Variants in ECPAS observed in about 807,000 individuals in gnomAD.
ECPAS encodes the protein Ecm29 proteasome adaptor and scaffold.
In ECPAS, 70 loss-of-function variants were observed where a neutral mutation model predicts 255.1. The observed-to-expected ratio is 0.27, with a 90% CI of 0.23 to 0.33. The LOEUF is 0.33. ECPAS is among the 10% of genes least tolerant of loss of function. ECPAS has a pLI of 1.00. For synonymous variants in ECPAS, 784 were observed against 775.0 expected (o/e 1.01, Z -0.19); for missense variants, 1,817 against 2,206.4 (o/e 0.82, Z 3.54).
rs1221711854 is a variant in ECPAS at position 111,378,476 on chromosome 9, G to A, written c.3954+104C>T. 7 of 1,165,178 alleles carry A rather than the reference G, an allele frequency of 6.0e-6. No homozygotes were observed. In the East Asian group the frequency reaches 1.5e-4, roughly 24 times the overall value. The allele number at this position is 1,165,178 out of a possible 1,614,324, so 72.2% of individuals were successfully genotyped here. A position where few individuals can be genotyped will look rare whatever the true frequency, so the allele number is the denominator to read the frequency against. On this transcript the variant is annotated intron_variant, in intron 36 of 49. Transcript: ENST00000684092. ...AACACTGCATGTGGTGACAGAGGGT[G>A]AGTTCTGGTAACAGTAGTGACAGTG...
intron 24 of ECPAS, among the ~76,000 whole-genome samples, chr9:111,401,914 G>A (rs560217338): frequency 3.3e-4 from 51 of 152,248 alleles, no homozygotes; most frequent in East Asian, 2.5e-3. Context: ...CTTTTTCAGC[G>A]TGCACTGATT....
intron 29 of ECPAS, among the ~76,000 whole-genome samples, chr9:111,390,719 G>C (rs2131606967): frequency 6.6e-6 from 1 of 152,300 alleles, no homozygotes; most frequent in East Asian, 1.9e-4. Flanking sequence ...CAATGAAGCA[G>C]GCTCGTGTGT....
intron 2 of ECPAS, among the ~76,000 whole-genome samples, chr9:111,463,336 A>C (rs1320893151): frequency 6.6e-6 from 1 of 152,230 alleles, no homozygotes; most frequent in African/African-American, 2.4e-5. Context: ...TTTTGTGCCC[A>C]AAAGAGAGAA....
At chr9:111,461,480 T>C (rs1435094825) in intron 2 of ECPAS, among the ~76,000 whole-genome samples, 1 of 151,498 alleles carries the variant, frequency 6.6e-6, no homozygotes, top group African/African-American at 2.4e-5. Context: ...AATAAACACA[T>C]AAAATAAAAA....
intron 5 of ECPAS, among the ~76,000 whole-genome samples, chr9:111,441,578 C>T (rs2098246082): frequency 6.6e-6 from 1 of 152,090 alleles, no homozygotes; most frequent in African/African-American, 2.4e-5. Flanking sequence ...ATTTTGAATA[C>T]AACATTAAAA....
At chr9:111,392,904 T>C (rs780783039) in intron 27 of ECPAS, 22 bp from the exon 28 acceptor site, 19 of 1,549,892 alleles carry the variant, frequency 1.2e-5, no homozygotes, top group African/African-American at 8.3e-5. Context: ...TCAGACAAGA[T>C]TGTATCACTT....
intron 24 of ECPAS, among the ~76,000 whole-genome samples, chr9:111,397,793 A>C (rs1303720879): frequency 6.6e-6 from 1 of 152,256 alleles, no homozygotes; most frequent in Non-Finnish European, 1.5e-5. Context: ...ATAATAAAGC[A>C]TATGTGAAAT....
At position 111,390,067 on chromosome 9, in the gene ECPAS, G is replaced by C. The variant is rs1285701941; in HGVS notation, c.3196C>G (p.Leu1066Val). ...TCTGGCTGGCTAAGATCACTTGCCA[G>C]AGAACAAAGTTCCTTGTAAGTAGAA... is the stretch of plus-strand genomic sequence containing the variant. ...GLSTYKELCSLASDLSQPDLV... is the reference protein window; with the variant it reads ...GLSTYKELCSVASDLSQPDLV... Residue 1066 changes from leucine (L) to valine (V), a missense_variant, in exon 30 of 50, where the codon CTG becomes GTG. By Grantham distance (32) the Leu-to-Val change is conservative. Coordinates refer to ENST00000684092, the MANE Select transcript of ECPAS (RefSeq NM_001364929.1). 6.3e-7 allele frequency: 1 copy of C among 1,596,378 alleles called. No individual in the cohort carries two copies. The highest frequency in any genetic ancestry group is 1.1e-5 in the South Asian group (1 of 88,978).
At chr9:111,416,251 A>T in intron 18 of ECPAS, 21 bp downstream of exon 18, 1 of 1,575,886 alleles carries the variant, frequency 6.3e-7, no homozygotes, top group Non-Finnish European at 8.7e-7. Context: ...AAAAGTAAAT[A>T]GAAATATATG....
chr9:111,390,295 C>T (rs1017778588), intron 29 of ECPAS, among the ~76,000 whole-genome samples, 194 bp from the exon 30 acceptor site: 1 of 152,208 alleles, frequency 6.6e-6, no homozygotes, highest in South Asian at 2.1e-4. Context: ...ATTAGCAATT[C>T]CTAAGCCCCT....
chr9:111,374,065 A>G (rs774583340), intron 38 of ECPAS, 27 bp from the exon 39 acceptor site: 1 of 1,562,868 alleles, frequency 6.4e-7, no homozygotes, highest in Non-Finnish European at 8.8e-7. Context: ...GCAAAGGTCT[A>G]AATCTGATGG....
At chr9:111,376,380 T>C in intron 37 of ECPAS, 96 bp downstream of exon 37, 1 of 988,012 alleles carries the variant, frequency 1.0e-6, no homozygotes, top group Non-Finnish European at 1.6e-6. Context: ...ACTCATCCCA[T>C]AAGTCTCTGC....
At chr9:111,467,176 T>A (rs1044324669) in intron 2 of ECPAS, among the ~76,000 whole-genome samples, 14 of 150,232 alleles carry the variant, frequency 9.3e-5, no homozygotes, top group African/African-American at 3.2e-4. Context: ...TCATTATTAA[T>A]GGAAAAAGCA....
chr9:111,410,337 T>C (rs2098192040), intron 22 of ECPAS, 124 bp from the exon 23 acceptor site: 7 of 713,630 alleles, frequency 9.8e-6, no homozygotes, highest in Admixed American at 3.3e-5. Flanking sequence ...CGATATCTTC[T>C]AGTTGACAAT....
intron 2 of ECPAS, among the ~76,000 whole-genome samples, chr9:111,459,293 G>A (rs537681003): frequency 6.6e-6 from 1 of 151,022 alleles, no homozygotes; most frequent in South Asian, 2.1e-4. Context: ...TGAGGTCTAT[G>A]TTGCCCAGGC....
chr9:111,461,941 G>A (rs527358733), intron 2 of ECPAS, among the ~76,000 whole-genome samples: 22 of 152,220 alleles, frequency 1.4e-4, no homozygotes, highest in South Asian at 1.0e-3. Flanking sequence ...AGACCCACTC[G>A]CTATCACGAG....
At chr9:111,375,351 T>C (rs2098132166) in intron 37 of ECPAS, 149 bp from the exon 38 acceptor site, 6 of 644,276 alleles carry the variant, frequency 9.3e-6, no homozygotes, top group Non-Finnish European at 1.4e-5. Context: ...GATTTCAATA[T>C]TAAAACCACT....
In ECPAS at chr9:111,373,642, C is replaced by CACT. The variant is rs1191632634; in HGVS notation, c.4178-239_4178-237dup. ...AAATAAGAACGAGGTATATAAAGAA[C>CACT]ACTAGTCCAGTCTAGAAGCCAATCT... is the stretch of plus-strand genomic sequence containing the variant. On this transcript the variant is annotated intron_variant, in intron 39 of 49. Coordinates refer to ENST00000684092, the MANE Select transcript of ECPAS (RefSeq NM_001364929.1). 2.0e-5 allele frequency among the ~76,000 whole-genome samples: 3 copies of CACT among 152,272 alleles called. No homozygotes were observed. The East Asian group carries it at 5.8e-4, about 29-fold the overall frequency.
chr9:111,444,995 T>A, intron 3 of ECPAS, among the ~76,000 whole-genome samples: 1 of 123,028 alleles, frequency 8.1e-6, no homozygotes, highest in Admixed American at 9.0e-5. Flanking sequence ...CTCCTGGCTT[T>A]TTTTTTTTTT....
Sources: allele counts gnomAD v4.1 joint callset (sites outside exome capture counted in the v4.1 genomes callset), GRCh38; gene constraint gnomAD v4.1.1; transcripts MANE v1.5; gene names NCBI Gene and HGNC (gene_info 2026-07-23, HGNC 2026-07-21).